Variants in ATP8A1 observed in about 807,000 individuals in gnomAD.
The protein encoded by ATP8A1 is ATPase phospholipid transporting 8A1.
ATP8A1 carries 90 observed loss-of-function variants against 177.7 expected under a neutral mutation model. The ratio of observed to expected loss-of-function variants is 0.51; its 90% CI spans 0.43 to 0.60. The LOEUF (loss-of-function observed/expected upper bound fraction) is 0.60. Ranked by LOEUF, ATP8A1 falls within the 20% of genes least tolerant of loss-of-function variation. The pLI is 0.00. For synonymous variants in ATP8A1, 493 were observed against 485.9 expected (o/e 1.01, Z -0.19); for missense variants, 1,072 against 1,392.8 (o/e 0.77, Z 3.67).
intron 4 of ATP8A1, among the ~76,000 whole-genome samples, chr4:42,618,377 C>A (rs1737121044): frequency 6.6e-6 from 1 of 152,138 alleles, no homozygotes; most frequent in East Asian, 1.9e-4. Flanking sequence ...TAAATATATA[C>A]CAGTCAAAAC....
In ATP8A1 at chr4:42,556,011, G is replaced by A. The variant is rs1730196425; in HGVS notation, c.1370C>T (p.Thr457Ile). 1.2e-6 allele frequency: 2 copies of A among 1,611,924 alleles called. No homozygotes were observed. Among genetic ancestry groups the A allele is most frequent in the South Asian group, 2.2e-5 (2 of 90,748 alleles). ...WQNSQFGDEKTFSDSSLLENL... is the reference protein window; with the variant it reads ...WQNSQFGDEKIFSDSSLLENL... ...TTCCAGCAATGATGAATCACTAAAT[G>A]TTTTTTCATCTCCAAACTGTGAGTT... is the stretch of plus-strand genomic sequence containing the variant. The change falls in exon 16 of 37, where the codon ACA becomes ATA. Residue 457 changes from threonine (T) to isoleucine (I), a missense_variant. Thr to Ile is a moderately conservative substitution (Grantham distance 89, BLOSUM62 -1). Transcript: ENST00000381668.
chr4:42,494,185 A>AAG (rs1553887340), intron 24 of ATP8A1, among the ~76,000 whole-genome samples: 9 of 143,554 alleles, frequency 6.3e-5, no homozygotes, highest in Admixed American at 6.2e-4. Flanking sequence ...AAAAAAAAAA[A>AAG]AAAGAGGTCA....
chr4:42,646,331 G>C (rs1740531744), intron 1 of ATP8A1, among the ~76,000 whole-genome samples: 1 of 152,202 alleles, frequency 6.6e-6, no homozygotes, highest in Admixed American at 6.5e-5. Flanking sequence ...AGTGGTGACA[G>C]GGTGTGCATG....
At chr4:42,646,841 C>T (rs1012721937) in intron 1 of ATP8A1, among the ~76,000 whole-genome samples, 59 of 152,124 alleles carry the variant, frequency 3.9e-4, no homozygotes, top group Admixed American at 3.9e-3. Context: ...CTCTCTTTGC[C>T]AAGTCAATTA....
At chr4:42,455,114 C>T (rs540229038) in intron 29 of ATP8A1, among the ~76,000 whole-genome samples, 183 bp downstream of exon 29, 24 of 152,024 alleles carry the variant, frequency 1.6e-4, no homozygotes, top group African/African-American at 5.8e-4. Context: ...CAAACTCAAC[C>T]AACCAACAAA....
chr4:42,432,038 C>T (rs1459617275), intron 33 of ATP8A1, among the ~76,000 whole-genome samples: 1 of 152,198 alleles, frequency 6.6e-6, no homozygotes, highest in Non-Finnish European at 1.5e-5. Flanking sequence ...AGCGAGGTAT[C>T]TCTTCGGAGA....
chr4:42,555,101 C>G (rs940428115), intron 16 of ATP8A1, among the ~76,000 whole-genome samples: 16 of 87,900 alleles, frequency 1.8e-4, no homozygotes, highest in Admixed American at 5.8e-4. Context: ...ATCTATCTAT[C>G]TATCTATCTA....
At position 42,656,949 on chromosome 4, in the gene ATP8A1, C is replaced by T; in HGVS notation, c.-76G>A. On this transcript the variant is annotated 5_prime_UTR_variant, in exon 1 of 37. Coordinates refer to ENST00000381668, the MANE Select transcript of ATP8A1 (RefSeq NM_006095.2). ...GGCGTGGTACACGCGGGAGACCCGG[C>T]TGCGCCGCGCAGAGCGCTCAGCTGC... 7.3e-7 allele frequency: 1 copy of T among 1,372,268 alleles called. No individual in the cohort carries two copies. The highest frequency in any genetic ancestry group is 9.6e-7 in the Non-Finnish European group (1 of 1,041,002). 85.0% of individuals were successfully genotyped at this position (1,372,268 alleles called of 1,614,324 possible). A position where few individuals can be genotyped will look rare whatever the true frequency, so the allele number is the denominator to read the frequency against.
intron 5 of ATP8A1, among the ~76,000 whole-genome samples, chr4:42,608,770 T>C (rs1736082402): frequency 6.6e-6 from 1 of 152,270 alleles, no homozygotes; most frequent in Non-Finnish European, 1.5e-5. Flanking sequence ...CCAATTCCTC[T>C]GAGTCAGCAT....
At chr4:42,469,949 A>G (rs1212155926) in intron 25 of ATP8A1, among the ~76,000 whole-genome samples, 4 of 152,238 alleles carry the variant, frequency 2.6e-5, no homozygotes. Context: ...AAACCTAAAC[A>G]AATGCCAATA....
chr4:42,570,215 A>G (rs1165650610), intron 14 of ATP8A1, among the ~76,000 whole-genome samples: 1 of 152,208 alleles, frequency 6.6e-6, no homozygotes, highest in South Asian at 2.1e-4. Context: ...AGTATCCACT[A>G]TATCACTCCA....
At chr4:42,539,148 A>T (rs116795152) in intron 20 of ATP8A1, among the ~76,000 whole-genome samples, 1,551 of 152,264 alleles carry the variant, frequency 0.01, 24 homozygotes, top group African/African-American at 0.036. Context: ...AAGTGAAGTA[A>T]CTCAGAAATG....
chr4:42,602,046 C>A (rs778798491), intron 5 of ATP8A1, among the ~76,000 whole-genome samples: 1 of 151,890 alleles, frequency 6.6e-6, no homozygotes, highest in African/African-American at 2.4e-5. Flanking sequence ...ATGGGACATT[C>A]AGATGCTTAT....
chr4:42,512,584 G>A (rs1725113239), intron 22 of ATP8A1, among the ~76,000 whole-genome samples: 1 of 152,164 alleles, frequency 6.6e-6, no homozygotes, highest in Non-Finnish European at 1.5e-5. Flanking sequence ...TGGATTCCTG[G>A]CTGCCTCGTT....
chr4:42,453,384 C>T (rs1398843322), intron 29 of ATP8A1, among the ~76,000 whole-genome samples: 3 of 152,044 alleles, frequency 2.0e-5, no homozygotes, highest in Admixed American at 6.6e-5. Flanking sequence ...ATCCATAAAC[C>T]CTGTAAAACA....
intron 35 of ATP8A1, chr4:42,415,261 A>G (rs1713104875): frequency 2.0e-5 from 3 of 152,362 alleles, no homozygotes; most frequent in African/African-American, 4.8e-5. Context: ...GTTCACTACC[A>G]CTAATATGGT....
At chr4:42,502,556 G>A (rs116252949) in intron 24 of ATP8A1, among the ~76,000 whole-genome samples, 2,655 of 152,208 alleles carry the variant, frequency 0.017, 74 homozygotes, top group African/African-American at 0.059. Flanking sequence ...ATCAAATGAC[G>A]CGTGGCTTGC....
At chr4:42,481,328 G>A (rs988549464) in intron 25 of ATP8A1, among the ~76,000 whole-genome samples, 1 of 152,148 alleles carries the variant, frequency 6.6e-6, no homozygotes, top group Non-Finnish European at 1.5e-5. Context: ...GGGCATGTGT[G>A]TATTTCCCAC....
At chr4:42,635,822 T>TATATATATAC (rs1553920636) in intron 1 of ATP8A1, among the ~76,000 whole-genome samples, 1 of 128,364 alleles carries the variant, frequency 7.8e-6, no homozygotes, top group Non-Finnish European at 1.7e-5. Flanking sequence ...CACATGTATG[T>TATATATATAC]ATGTATGTAA....
Sources: gnomAD v4.1 joint callset for allele counts (sites outside exome capture counted in the v4.1 genomes callset) on GRCh38, gnomAD v4.1.1 for gene constraint, MANE v1.5 for transcripts, NCBI Gene and HGNC (gene_info 2026-07-23, HGNC 2026-07-21) for gene names.